Variants in TMEM132D observed in about 807,000 individuals in gnomAD.
TMEM132D encodes the protein transmembrane protein 132D, also known as mature OL transmembrane protein.
TMEM132D carries 21 observed loss-of-function variants against 62.3 expected under a neutral mutation model. The ratio of observed to expected loss-of-function variants is 0.34; its 90% CI spans 0.24 to 0.49. The LOEUF (loss-of-function observed/expected upper bound fraction) is 0.49. Ranked by LOEUF, TMEM132D falls within the 20% of genes least tolerant of loss-of-function variation. The pLI, the probability that TMEM132D is intolerant of heterozygous loss-of-function variation, is 0.99. For synonymous variants in TMEM132D, 621 were observed against 575.6 expected, an observed-to-expected ratio of 1.08 and a Z score of -1.13; for missense variants, 1,346 against 1,402.8, an observed-to-expected ratio of 0.96 and a Z score of 0.65.
chr12:129,153,239 G>T (rs1444753728), intron 5 of TMEM132D, among the ~76,000 whole-genome samples: 1 of 152,176 alleles, frequency 6.6e-6, no homozygotes, highest in Non-Finnish European at 1.5e-5. Flanking sequence ...GGGAGGAAAG[G>T]AGTCAGCCGC....
At chr12:129,191,360 T>G (rs1355669764) in intron 5 of TMEM132D, among the ~76,000 whole-genome samples, 1 of 150,486 alleles carries the variant, frequency 6.6e-6, no homozygotes, top group African/African-American at 2.5e-5. Flanking sequence ...TACATGTATA[T>G]TTAAAATAGG....
chr12:129,086,201 C>CGCGCGCGTGTGTGTGT (rs1349816832), intron 5 of TMEM132D, among the ~76,000 whole-genome samples: 6 of 141,038 alleles, frequency 4.3e-5, no homozygotes, highest in South Asian at 2.2e-4. Context: ...CACGCGCGCG[C>CGCGCGCGTGTGTGTGT]GTGTGTGTGT....
intron 2 of TMEM132D, among the ~76,000 whole-genome samples, chr12:129,590,664 C>T (rs186828574): frequency 2.0e-5 from 3 of 152,154 alleles, no homozygotes; most frequent in Admixed American, 6.5e-5. Context: ...ATGAGACAGC[C>T]GTCTGTTTTT....
intron 3 of TMEM132D, among the ~76,000 whole-genome samples, chr12:129,340,282 G>T (rs2135660765): frequency 6.6e-6 from 1 of 152,088 alleles, no homozygotes; most frequent in South Asian, 2.1e-4. Context: ...AAGTGGTGAT[G>T]AAAATATTCT....
chr12:129,714,124 C>T (rs10847926), intron 1 of TMEM132D, among the ~76,000 whole-genome samples: 31,241 of 152,162 alleles, frequency 0.21, 3,713 homozygotes, highest in East Asian at 0.44. Context: ...GTCCTGCCCC[C>T]GGGGCCTTTG....
rs917748714 is a variant in TMEM132D, at chr12:129,541,843, T to G, written c.969-10638A>C. Among the ~76,000 whole-genome samples the G allele has an allele frequency of 6.6e-5, 10 of 152,320 alleles. No individual in the cohort carries two copies. In the East Asian group the frequency reaches 9.7e-4, roughly 15 times the overall value. ...TAGCTATGATGATGATTATTACCAT[T>G]ATCTTCTTTGTTACACAGAAACCTG... On this transcript the variant is annotated intron_variant, in intron 2 of 8. Transcript: ENST00000422113.
chr12:129,366,209 G>A (rs542380553), intron 3 of TMEM132D, among the ~76,000 whole-genome samples: 2 of 152,126 alleles, frequency 1.3e-5, no homozygotes, highest in Non-Finnish European at 2.9e-5. Context: ...TTATTGTTTG[G>A]TCTGTGTCCC....
chr12:129,486,943 T>C (rs748425708), intron 3 of TMEM132D, among the ~76,000 whole-genome samples: 2 of 151,662 alleles, frequency 1.3e-5, no homozygotes, highest in Non-Finnish European at 2.9e-5. Flanking sequence ...CAAATAAGAA[T>C]AGTTAGCTAC....
In TMEM132D at chr12:129,186,770, T is replaced by C. The variant is rs151164420; in HGVS notation, c.1443+22750A>G. On this transcript the variant is annotated intron_variant, in intron 5 of 8. Coordinates refer to ENST00000422113, the MANE Select transcript of TMEM132D (RefSeq NM_133448.3). ...CAATCACTCCGCAGGAGATTTAGCA[T>C]TGTAATCATTCTTTGCTAAATGATA... Among the ~76,000 whole-genome samples, 396 of 152,354 alleles carry C rather than the reference T, an allele frequency of 2.6e-3. 2 individuals carry two copies. Among genetic ancestry groups the C allele is most frequent in the Middle Eastern group, 0.014 (4 of 294 alleles).
intron 2 of TMEM132D, among the ~76,000 whole-genome samples, chr12:129,544,166 T>C (rs1876669477): frequency 1.3e-5 from 2 of 152,242 alleles, no homozygotes; most frequent in South Asian, 4.1e-4. Flanking sequence ...ACACAGTATT[T>C]CATTAAGTCT....
chr12:129,436,386 A>G lies in TMEM132D; in HGVS notation c.1115+94673T>C, dbSNP rs1872788403. Among the ~76,000 whole-genome samples the G allele has an allele frequency of 2.0e-5, 3 of 152,164 alleles. No homozygotes were observed. The South Asian group carries it at 6.2e-4, about 31-fold the overall frequency. On this transcript the variant is annotated intron_variant, in intron 3 of 8. Transcript: ENST00000422113. ...AAAGGTATGACATTCTCATATATAT[A>G]TAATTATATTTTATTTTATACTCAG... is the stretch of plus-strand genomic sequence containing the variant.
intron 4 of TMEM132D, among the ~76,000 whole-genome samples, chr12:129,304,363 G>T (rs1425841924): frequency 6.7e-6 from 1 of 149,354 alleles, no homozygotes; most frequent in African/African-American, 2.5e-5. Context: ...CAAAGGCCAG[G>T]TCATGGCTTG....
At chr12:129,684,275 T>C (rs1022012741) in intron 2 of TMEM132D, among the ~76,000 whole-genome samples, 2 of 152,138 alleles carry the variant, frequency 1.3e-5, no homozygotes, top group African/African-American at 2.4e-5. Context: ...GTTACTCCCA[T>C]GCTTCTCTTC....
At chr12:129,303,167 T>C (rs1275053944) in intron 4 of TMEM132D, among the ~76,000 whole-genome samples, 1 of 149,972 alleles carries the variant, frequency 6.7e-6, no homozygotes, top group Non-Finnish European at 1.5e-5. Flanking sequence ...GCCGGGACTC[T>C]GCAGAGCCTC....
chr12:129,111,125 A>G (rs1282437048), intron 5 of TMEM132D: 2 of 152,338 alleles, frequency 1.3e-5, no homozygotes, highest in Non-Finnish European at 2.9e-5. Context: ...ATAGAATGCC[A>G]TAGTGCAGAG....
chr12:129,241,219 G>A (rs1469968409), intron 4 of TMEM132D, among the ~76,000 whole-genome samples: 1 of 147,186 alleles, frequency 6.8e-6, no homozygotes, highest in African/African-American at 2.5e-5. Context: ...AACAAGTGAA[G>A]AGACAATCCA....
At chr12:129,830,823 G>C (rs905622077) in intron 1 of TMEM132D, among the ~76,000 whole-genome samples, 9 of 152,160 alleles carry the variant, frequency 5.9e-5, no homozygotes, top group Admixed American at 3.9e-4. Context: ...TCAAACCTAA[G>C]TGTTTAACTC....
intron 1 of TMEM132D, among the ~76,000 whole-genome samples, chr12:129,717,649 G>A (rs1040578285): frequency 6.7e-6 from 1 of 149,940 alleles, no homozygotes; most frequent in Non-Finnish European, 1.5e-5. Context: ...GTGATTCAAT[G>A]TCTCCCTGGA....
chr12:129,387,422 C>T lies in TMEM132D; in HGVS notation c.1116-49605G>A, dbSNP rs114708959. ...ACATCAACCATATCACTAACACTAA[C>T]GCCAACACTAACAGCAATACTAACA... On this transcript the variant is annotated intron_variant, in intron 3 of 8. Coordinates refer to ENST00000422113, the MANE Select transcript of TMEM132D (RefSeq NM_133448.3). Among the ~76,000 whole-genome samples the T allele has an allele frequency of 3.3e-3, 492 of 150,894 alleles. 1 individual carries two copies. The highest frequency in any genetic ancestry group is 9.9e-3 in the African/African-American group (402 of 40,612).
Sources: gnomAD v4.1 joint callset for allele counts (sites outside exome capture counted in the v4.1 genomes callset) on GRCh38, gnomAD v4.1.1 for gene constraint, MANE v1.5 for transcripts, NCBI Gene and HGNC (gene_info 2026-07-23, HGNC 2026-07-21) for gene names.